Variants in C1orf185 observed in about 807,000 individuals in gnomAD.
C1orf185 encodes the protein chromosome 1 open reading frame 185, also known as uncharacterized protein C1orf185.
Under a neutral mutation model 16.1 loss-of-function variants are expected in C1orf185, and 13 were observed. That is an observed-to-expected ratio of 0.81 (90% CI 0.53 to 1.28). The LOEUF (loss-of-function observed/expected upper bound fraction) is 1.28, where lower values mean the gene tolerates loss of function less well. Ranked by LOEUF, C1orf185 falls within the 50% of genes most tolerant of loss-of-function variation. The pLI, the probability that C1orf185 is intolerant of heterozygous loss-of-function variation, is 0.00. For missense variants in C1orf185, 220 were observed against 225.2 expected (o/e 0.98, Z 0.15); for synonymous variants, 80 against 76.9 (o/e 1.04, Z -0.21).
At chr1:51,116,920 C>T (rs6704076) in intron 2 of C1orf185, among the ~76,000 whole-genome samples, 1 of 152,160 alleles carries the variant, frequency 6.6e-6, no homozygotes, top group African/African-American at 2.4e-5. Flanking sequence ...TACCTTAATA[C>T]TAAAGGCTTC....
chr1:51,151,831 G>A (rs1293824917), downstream of C1orf185, among the ~76,000 whole-genome samples: 1 of 151,888 alleles, frequency 6.6e-6, no homozygotes, highest in Non-Finnish European at 1.5e-5. Flanking sequence ...TGGGATTACA[G>A]GCGCCCACCA....
intron 2 of C1orf185, among the ~76,000 whole-genome samples, chr1:51,118,139 TG>T (rs1646170719): frequency 6.6e-6 from 1 of 152,164 alleles, no homozygotes; most frequent in Non-Finnish European, 1.5e-5. Context: ...AAGCTGATCT[TG>T]AACTCCTGAC....
At chr1:51,112,273 C>T (rs547519529) in intron 1 of C1orf185, among the ~76,000 whole-genome samples, 191 bp from the exon 2 acceptor site, 5 of 152,212 alleles carry the variant, frequency 3.3e-5, no homozygotes, top group African/African-American at 4.8e-5. Context: ...CATCAGGAGG[C>T]CCTGTGTAAT....
intron 1 of C1orf185, 107 bp from the exon 2 acceptor site, chr1:51,112,357 A>G: frequency 2.4e-6 from 2 of 845,422 alleles, no homozygotes; most frequent in South Asian, 2.0e-5. Flanking sequence ...CTCCTGGTTA[A>G]TGTCTTAACA....
intron 4 of C1orf185, among the ~76,000 whole-genome samples, chr1:51,146,225 G>A (rs543236028): frequency 1.5e-4 from 23 of 152,026 alleles, no homozygotes; most frequent in Admixed American, 1.1e-3. Context: ...TTGGGAGGTC[G>A]CGGTGGGCAG....
chr1:51,150,180 A>G (rs1557655742), downstream of C1orf185, among the ~76,000 whole-genome samples: 2 of 151,756 alleles, frequency 1.3e-5, no homozygotes, highest in African/African-American at 4.8e-5. Flanking sequence ...ATAATATAAT[A>G]AATTGAATGT....
At chr1:51,112,295 G>C (rs1172843510) in intron 1 of C1orf185, among the ~76,000 whole-genome samples, 169 bp from the exon 2 acceptor site, 2 of 152,144 alleles carry the variant, frequency 1.3e-5, no homozygotes, top group Non-Finnish European at 2.9e-5. Context: ...CTCTAATCCA[G>C]GGTCTTGGAG....
At chr1:51,111,374 C>T (rs2026813) in intron 1 of C1orf185, among the ~76,000 whole-genome samples, 124,579 of 134,014 alleles carry the variant, frequency 0.93, 58,669 homozygotes, top group Non-Finnish European at 1. Flanking sequence ...TTCTTTCTTT[C>T]TTTTTTTTTT....
intron 3 of C1orf185, among the ~76,000 whole-genome samples, chr1:51,145,332 A>C (rs1052809752): frequency 6.6e-5 from 10 of 151,744 alleles, no homozygotes; most frequent in South Asian, 2.1e-4. Flanking sequence ...TAATAATAAT[A>C]ATCCCATTTT....
chr1:51,151,557 A>G (rs1053205182), downstream of C1orf185, among the ~76,000 whole-genome samples: 7 of 152,194 alleles, frequency 4.6e-5, no homozygotes, highest in African/African-American at 1.4e-4. Flanking sequence ...CTGTAGAGGG[A>G]AGGCTTGTGG....
At position 51,148,011 on chromosome 1, in the gene C1orf185, A is replaced by C; in HGVS notation, c.*240A>C. 1 of 383,426 alleles carries C rather than the reference A, an allele frequency of 2.6e-6. No homozygotes were observed. The allele number at this position is 383,426 out of a possible 1,614,324, so 23.8% of individuals were successfully genotyped here. A position where few individuals can be genotyped will look rare whatever the true frequency, so the allele number is the denominator to read the frequency against. On this transcript the variant is annotated 3_prime_UTR_variant, in exon 5 of 5. Coordinates refer to ENST00000371759, the MANE Select transcript of C1orf185 (RefSeq NM_001136508.2). ...AACAAAATTAGGAAGAACTAGAGTG[A>C]TGTCATGAACATTAAGCTTAACTTA...
intron 3 of C1orf185, among the ~76,000 whole-genome samples, chr1:51,122,182 G>A (rs1646202567): frequency 6.6e-6 from 1 of 152,082 alleles, no homozygotes; most frequent in Admixed American, 6.6e-5. Context: ...GTTTGGAGTG[G>A]TTTTCAGCTG....
At chr1:51,150,050 T>C (rs1351938366), downstream of C1orf185, among the ~76,000 whole-genome samples, 1 of 152,220 alleles carries the variant, frequency 6.6e-6, no homozygotes, top group African/African-American at 2.4e-5. Flanking sequence ...CCCCTTTTGG[T>C]ATAAACTAGA....
chr1:51,102,377 TC>T, intron 1 of C1orf185, 128 bp downstream of exon 1: 1 of 599,950 alleles, frequency 1.7e-6, no homozygotes. Context: ...AATACTTGAA[TC>T]ATGGGTATAC....
At chr1:51,118,258 T>C (rs1243479811) in intron 2 of C1orf185, among the ~76,000 whole-genome samples, 9 of 152,210 alleles carry the variant, frequency 5.9e-5, no homozygotes, top group Admixed American at 1.3e-4. Context: ...AATACCAAAA[T>C]TGACCAATGA....
At chr1:51,115,456 A>G (rs1406200808) in intron 2 of C1orf185, among the ~76,000 whole-genome samples, 1 of 152,118 alleles carries the variant, frequency 6.6e-6, no homozygotes, top group East Asian at 1.9e-4. Context: ...TCTTTTGTTA[A>G]TGGACATTGG....
At chr1:51,141,153 TA>T in intron 3 of C1orf185, among the ~76,000 whole-genome samples, 1 of 152,322 alleles carries the variant, frequency 6.6e-6, no homozygotes, top group South Asian at 2.1e-4. Flanking sequence ...ACGAGAACTC[TA>T]CTGAAGTTTT....
At chr1:51,119,153 T>C (rs937807167) in intron 3 of C1orf185, among the ~76,000 whole-genome samples, 2 of 152,288 alleles carry the variant, frequency 1.3e-5, no homozygotes, top group East Asian at 1.9e-4. Context: ...ACCATAGCAA[T>C]TGAAATTAAA....
intron 1 of C1orf185, among the ~76,000 whole-genome samples, chr1:51,110,873 G>A (rs967295228): frequency 1.3e-5 from 2 of 152,056 alleles, no homozygotes; most frequent in Non-Finnish European, 2.9e-5. Flanking sequence ...GGAGGGTGAG[G>A]CAGGAGAATC....
Sources: gnomAD v4.1 joint callset for allele counts (sites outside exome capture counted in the v4.1 genomes callset) on GRCh38, gnomAD v4.1.1 for gene constraint, MANE v1.5 for transcripts, NCBI Gene and HGNC (gene_info 2026-07-23, HGNC 2026-07-21) for gene names.